Variants in NSG2 observed in about 807,000 individuals in gnomAD.
The protein encoded by NSG2 is neuronal vesicle trafficking associated 2.
A neutral mutation model predicts 16.9 loss-of-function variants in NSG2; 4 were observed. That is an observed-to-expected ratio of 0.24 (90% CI 0.12 to 0.54). The LOEUF is 0.54. Ranked by LOEUF, NSG2 falls within the 20% of genes least tolerant of loss-of-function variation. NSG2 has a pLI of 0.95. For synonymous variants in NSG2, 98 were observed against 88.7 expected, an observed-to-expected ratio of 1.11 and a Z score of -0.59; for missense variants, 179 against 221.1, an observed-to-expected ratio of 0.81 and a Z score of 1.21.
chr5:174,107,915 C>CT lies in NSG2; in HGVS notation c.*412dup. 2.7e-6 allele frequency: 1 copy of CT among 369,066 alleles called. No individual in the cohort carries two copies. Among genetic ancestry groups the CT allele is most frequent in the South Asian group, 2.1e-5 (1 of 48,076 alleles). 22.9% of individuals were successfully genotyped at this position (369,066 alleles called of 1,614,324 possible). On this transcript the variant is annotated 3_prime_UTR_variant, in exon 5 of 5. Transcript: ENST00000303177. This position sits in a 1 kb window ranked among gnomAD's most constrained non-coding sequence, Gnocchi z 4.5. The stretch of plus-strand genomic sequence containing the variant: ...CAGTGAAGAGCACAGACTCTGTGGG[C>CT]TTCTTAGATAAGAAAACGTAGCTTC...
rs570354958 is a variant in NSG2, at chr5:174,093,349, G to A, written c.214-10879G>A. 7.2e-5 allele frequency among the ~76,000 whole-genome samples: 11 copies of A among 152,242 alleles called. No individual in the cohort carries two copies. The East Asian group carries it at 9.6e-4, about 13-fold the overall frequency. On this transcript the variant is annotated intron_variant, in intron 3 of 4. Coordinates refer to ENST00000303177, the MANE Select transcript of NSG2 (RefSeq NM_015980.5). ...GGGCTTTTATGCACTACCACGCCCC[G>A]CCATCCAACAGCTATTGTGAAGCAG...
chr5:174,085,165 A>G (rs1760585440), intron 3 of NSG2, among the ~76,000 whole-genome samples: 11 of 152,230 alleles, frequency 7.2e-5, no homozygotes, highest in Admixed American at 7.2e-4. Flanking sequence ...TGTATATTTA[A>G]ATAATAATGA....
chr5:174,059,887 A>G (rs1338598559), intron 2 of NSG2, among the ~76,000 whole-genome samples: 5 of 152,216 alleles, frequency 3.3e-5, no homozygotes, highest in Non-Finnish European at 7.3e-5. Context: ...ACACTAGTCA[A>G]TACTACCTCA....
At chr5:174,087,670 C>T (rs1269970925) in intron 3 of NSG2, among the ~76,000 whole-genome samples, 1 of 151,718 alleles carries the variant, frequency 6.6e-6, no homozygotes, top group Non-Finnish European at 1.5e-5. Flanking sequence ...CCTGCAAGTC[C>T]TCCTACTTGC....
At chr5:174,075,544 A>G (rs1445585560) in intron 3 of NSG2, among the ~76,000 whole-genome samples, 1 of 152,006 alleles carries the variant, frequency 6.6e-6, no homozygotes, top group Non-Finnish European at 1.5e-5. Flanking sequence ...CTTTAAATAC[A>G]CTGTTTGGCC....
chr5:174,061,098 A>T (rs1400338088), intron 2 of NSG2, among the ~76,000 whole-genome samples: 1 of 151,462 alleles, frequency 6.6e-6, no homozygotes, highest in Non-Finnish European at 1.5e-5. Flanking sequence ...AAATACATAT[A>T]TTATATATAT....
rs78984995 is a variant in NSG2, at chr5:174,093,392, C to T, written c.214-10836C>T. 8.7e-3 allele frequency among the ~76,000 whole-genome samples: 1,327 copies of T among 152,324 alleles called. 17 individuals are homozygous for T. Among genetic ancestry groups the T allele is most frequent in the African/African-American group, 0.031 (1,289 of 41,574 alleles). On this transcript the variant is annotated intron_variant, in intron 3 of 4. Transcript: ENST00000303177. ...TGAAGCAGCCATCAGTGTCACCTAC[C>T]TTTCAGAGAAGTAAGCTGAGGATTC...
At chr5:174,104,438 C>T in intron 4 of NSG2, 100 bp downstream of exon 4, 2 of 813,768 alleles carry the variant, frequency 2.5e-6, no homozygotes, top group East Asian at 2.5e-5. Context: ...GTATGACGAC[C>T]TCTCTACCGA....
In NSG2 at chr5:174,087,018, T is replaced by G. The variant is rs573132860; in HGVS notation, c.214-17210T>G. Among the ~76,000 whole-genome samples the G allele has an allele frequency of 1.4e-4, 21 of 152,350 alleles. No homozygotes were observed. The East Asian group carries it at 4.0e-3, about 29-fold the overall frequency. On this transcript the variant is annotated intron_variant, in intron 3 of 4. Coordinates refer to ENST00000303177, the MANE Select transcript of NSG2 (RefSeq NM_015980.5). ...GGAATCACACTTCTACACCCCTCCT[T>G]CTTCCCATGGGGAGCTTTCCTCTCT...
chr5:174,079,263 CT>C lies in NSG2; in HGVS notation c.213+14961del, dbSNP rs113704369. On this transcript the variant is annotated intron_variant, in intron 3 of 4. Coordinates refer to ENST00000303177, the MANE Select transcript of NSG2 (RefSeq NM_015980.5). The stretch of plus-strand genomic sequence containing the variant: ...TCTCTCTCTTTCTCTCTCTCTCTCT[CT>C]TTTTTTTTTTTTAGATGGAGTCTTG... Among the ~76,000 whole-genome samples, 1,122 of 143,156 alleles carry C rather than the reference CT, an allele frequency of 7.8e-3. 6 individuals carry two copies. Among genetic ancestry groups the C allele is most frequent in the African/African-American group, 0.018 (693 of 39,450 alleles). The allele number at this position is 143,156 out of a possible 152,430, so 93.9% of individuals were successfully genotyped here. A position where few individuals can be genotyped will look rare whatever the true frequency, so the allele number is the denominator to read the frequency against.
At chr5:174,086,734 T>C (rs1260814121) in intron 3 of NSG2, among the ~76,000 whole-genome samples, 1 of 152,248 alleles carries the variant, frequency 6.6e-6, no homozygotes, top group Non-Finnish European at 1.5e-5. Flanking sequence ...TGTAAGAGGT[T>C]CACTGTCAAA....
intron 3 of NSG2, among the ~76,000 whole-genome samples, chr5:174,090,056 A>G (rs1055929353): frequency 3.3e-5 from 5 of 152,144 alleles, no homozygotes; most frequent in Non-Finnish European, 7.3e-5. Flanking sequence ...TCTGAAAAAT[A>G]AGATATGGAA....
chr5:174,081,639 G>A (rs1760468936), intron 3 of NSG2: 1 of 151,662 alleles, frequency 6.6e-6, no homozygotes, highest in Non-Finnish European at 1.5e-5. Context: ...GAATGTACGA[G>A]CATTTTTTTA....
rs1179752306 is a variant in NSG2, at chr5:174,045,760, G to A, written c.-106G>A. 2.0e-5 allele frequency: 3 copies of A among 152,372 alleles called. No homozygotes were observed. The highest frequency in any genetic ancestry group is 2.9e-5 in the Non-Finnish European group (2 of 68,070). The allele number at this position is 152,372 out of a possible 1,614,324, so 9.4% of individuals were successfully genotyped here. On this transcript the variant is annotated 5_prime_UTR_variant, in exon 1 of 5. Transcript: ENST00000303177. Reference sequence around the variant, plus strand: ...GCTGTCCTTTCAGCACCACAAGCTCGGGCTGAGGAGGGAGGACTCCTGGCC... The same window carrying A: ...GCTGTCCTTTCAGCACCACAAGCTCAGGCTGAGGAGGGAGGACTCCTGGCC...
intron 3 of NSG2, among the ~76,000 whole-genome samples, chr5:174,066,011 G>A (rs75577256): frequency 0.017 from 2,598 of 152,246 alleles, 30 homozygotes; most frequent in South Asian, 0.025. Context: ...AAGCGTATGC[G>A]GGGAGAAACA....
chr5:174,093,474 C>T (rs1181923212), intron 3 of NSG2, among the ~76,000 whole-genome samples: 4 of 152,208 alleles, frequency 2.6e-5, no homozygotes, highest in African/African-American at 9.6e-5. Context: ...GCTGTGCTTT[C>T]AGTCTAGACC....
chr5:174,102,505 G>A (rs1054343165), intron 3 of NSG2, among the ~76,000 whole-genome samples: 1 of 152,170 alleles, frequency 6.6e-6, no homozygotes, highest in African/African-American at 2.4e-5. Flanking sequence ...AATATTAGAT[G>A]CCCCGGTATC....
At chr5:174,066,989 CAAAA>C (rs543368373) in intron 3 of NSG2, among the ~76,000 whole-genome samples, 2 of 27,946 alleles carry the variant, frequency 7.2e-5, no homozygotes, top group African/African-American at 9.8e-5. Context: ...GACTCTGTCT[CAAAA>C]AAAAAAAAAA....
chr5:174,054,306 C>T (rs564303183), intron 2 of NSG2, among the ~76,000 whole-genome samples: 2 of 152,270 alleles, frequency 1.3e-5, no homozygotes, highest in East Asian at 1.9e-4. Context: ...GGGGTAGGTG[C>T]GTTCCATTTG....
Sources: allele counts gnomAD v4.1 joint callset (sites outside exome capture counted in the v4.1 genomes callset), GRCh38; gene constraint gnomAD v4.1.1; non-coding constraint Gnocchi (gnomAD v3.1); transcripts MANE v1.5; gene names NCBI Gene and HGNC (gene_info 2026-07-23, HGNC 2026-07-21).